PNPLA7: variants seen among roughly 807,000 people sequenced by gnomAD.
PNPLA7 encodes the protein patatin like domain 7, lysophospholipase, also known as patatin-like phospholipase domain-containing protein 7.
A neutral mutation model predicts 161.7 loss-of-function variants in PNPLA7; 153 were observed. That is an observed-to-expected ratio of 0.95 (90% CI 0.83 to 1.08). The LOEUF (loss-of-function observed/expected upper bound fraction) is 1.08, where lower values mean the gene tolerates loss of function less well. Ranked by LOEUF, PNPLA7 falls within the 50% of genes least tolerant of loss-of-function variation. The pLI is 0.00. For synonymous variants in PNPLA7, 809 were observed against 782.1 expected (o/e 1.03, Z -0.57); for missense variants, 1,739 against 1,856.6 (o/e 0.94, Z 1.16).
chr9:137,517,880 A>C lies in PNPLA7; in HGVS notation c.1084+2037T>G, dbSNP rs371642077. On this transcript the variant is annotated intron_variant, in intron 11 of 34. Transcript: ENST00000406427. ...CACTCCACTCTATCCACTCCATCCC[A>C]CACTCACTCACTCCACTCTGTCCAC... 2.5e-3 allele frequency among the ~76,000 whole-genome samples: 42 copies of C among 16,818 alleles called. 2 individuals carry two copies. The highest frequency in any genetic ancestry group is 0.011 in the African/African-American group (21 of 1,924). 11.0% of individuals were successfully genotyped at this position (16,818 alleles called of 152,430 possible).
rs958806348 is a variant in PNPLA7 at position 137,500,905 on chromosome 9, C to T, written c.1552-9G>A. On this transcript the variant is annotated splice_polypyrimidine_tract_variant and intron_variant, in intron 15 of 34. Transcript: ENST00000406427. This position sits in a 1 kb window ranked among gnomAD's most constrained non-coding sequence, Gnocchi z 5.5. ...AACAGGATGCTGGCGTCCTGACACA[C>T]GAGAGGGCTCAGGAGGCGCCGCGAG... 4.9e-5 allele frequency: 76 copies of T among 1,558,010 alleles called. No individual in the cohort carries two copies. Among genetic ancestry groups the T allele is most frequent in the Non-Finnish European group, 5.8e-5 (67 of 1,155,954 alleles).
intron 1 of PNPLA7, among the ~76,000 whole-genome samples, chr9:137,549,543 T>C (rs971200317): frequency 6.9e-5 from 10 of 145,848 alleles, no homozygotes; most frequent in South Asian, 2.2e-4. Context: ...GCAATCCAGC[T>C]TGGGCGACAG....
chr9:137,500,867 C>A lies in PNPLA7; in HGVS notation c.1581G>T (p.Gly527=), dbSNP rs781222061. 1 of 1,586,130 alleles carries A rather than the reference C, an allele frequency of 6.3e-7. No homozygotes were observed. The highest frequency in any genetic ancestry group is 8.6e-7 in the Non-Finnish European group (1 of 1,169,142). Residue 527 remains glycine, a synonymous_variant, in exon 16 of 35, where the codon GGG becomes GGT. Coordinates refer to ENST00000406427, the MANE Select transcript of PNPLA7 (RefSeq NM_001098537.3). The surrounding 1 kb of genome is among the most constrained non-coding windows in gnomAD (Gnocchi z 5.5). ...TCTTCCGCTGGTACACGTGCAGCAG[C>A]CCCGAGACCACGAACAGGATGCTGG... is the stretch of plus-strand genomic sequence containing the variant. The part of the protein sequence containing the change: ...QDASILFVVS[G]LLHVYQRKIG...
intron 9 of PNPLA7, 22 bp from the exon 10 acceptor site, chr9:137,521,738 G>A (rs377174253): frequency 4.7e-5 from 76 of 1,603,106 alleles, no homozygotes; most frequent in Middle Eastern, 1.7e-4. Flanking sequence ...CGCCAGCTGC[G>A]CGGTGACCAC....
rs1265397321 is a variant in PNPLA7 at position 137,462,019 on chromosome 9, C to T, written c.3668G>A (p.Arg1223His). 1.9e-6 allele frequency: 3 copies of T among 1,600,532 alleles called. No individual in the cohort carries two copies. The highest frequency in any genetic ancestry group is 8.5e-7 in the Non-Finnish European group (1 of 1,175,028). The change falls in exon 32 of 35, where the codon CGC (arginine) becomes CAC (histidine). Residue 1223 changes from arginine to histidine, a missense_variant. Coordinates refer to ENST00000406427, the MANE Select transcript of PNPLA7 (RefSeq NM_001098537.3). ...EICEVGYQHGRTVFDIWGRSG... is the reference protein window; with the variant it reads ...EICEVGYQHGHTVFDIWGRSG... ...GCGGCCCCAGATGTCAAACACCGTG[C>T]GCCCGTGCTGGTAGCCCACTTCCTG...
rs910007859 is a variant in PNPLA7 at position 137,537,786 on chromosome 9, A to G, written c.747+2856T>C. On this transcript the variant is annotated intron_variant, in intron 8 of 34. Coordinates refer to ENST00000406427, the MANE Select transcript of PNPLA7 (RefSeq NM_001098537.3). This position sits in a 1 kb window ranked among gnomAD's most constrained non-coding sequence, Gnocchi z 4.5. ...CTGGAACAGGCATGGCTGCACTGTG[A>G]TAAGTGAGGCCCAACCTGAATATCA... Among the ~76,000 whole-genome samples, 6 of 152,192 alleles carry G rather than the reference A, an allele frequency of 3.9e-5. No homozygotes were observed. Among genetic ancestry groups the G allele is most frequent in the African/African-American group, 1.2e-4 (5 of 41,422 alleles).
intron 17 of PNPLA7, 62 bp from the exon 18 acceptor site, chr9:137,497,372 TC>T: frequency 7.2e-7 from 1 of 1,397,190 alleles, no homozygotes; most frequent in South Asian, 1.6e-5. Flanking sequence ...ACACCCAGCT[TC>T]CCAATGCCAG....
At chr9:137,488,258 C>T (rs533365801) in intron 20 of PNPLA7, among the ~76,000 whole-genome samples, 40 of 152,354 alleles carry the variant, frequency 2.6e-4, no homozygotes, top group Admixed American at 1.2e-3. Flanking sequence ...GAACGTGGCT[C>T]TCTGATGTGG....
At chr9:137,491,278 A>C (rs938753554) in intron 20 of PNPLA7, among the ~76,000 whole-genome samples, 3 of 152,226 alleles carry the variant, frequency 2.0e-5, no homozygotes, top group Admixed American at 6.5e-5. Flanking sequence ...CTCTAAATAA[A>C]AAGAGAAAAT....
chr9:137,510,641 A>G (rs1392521224), intron 12 of PNPLA7, among the ~76,000 whole-genome samples: 2 of 152,164 alleles, frequency 1.3e-5, no homozygotes, highest in African/African-American at 2.4e-5. Context: ...GTCTCTGCAC[A>G]TTGGTGGTAG....
Position 137,461,590 on chromosome 9 carries a change from C to T in PNPLA7, c.3787G>A (p.Asp1263Asn), listed in dbSNP as rs375525790. 2 of 1,612,720 alleles carry T rather than the reference C, an allele frequency of 1.2e-6. No individual in the cohort carries two copies. The highest frequency in any genetic ancestry group is 2.7e-5 in the African/African-American group (2 of 74,908). ...ATGCGAGACACAATTTCGGCAAGGT[C>T]CGTGAAGGAGGCGTTGGGACAGGTG... ...VLTCPNASFT[D>N]LAEIVSRIEP... Residue 1263 changes from aspartate to asparagine, a missense_variant, in exon 33 of 35, where the codon GAC becomes AAC. Physicochemically the swap from Asp to Asn is conservative, Grantham distance 23 (BLOSUM62 1). Transcript: ENST00000406427.
Position 137,497,328 on chromosome 9 carries a change from G to A in PNPLA7, c.1890-18C>T. On this transcript the variant is annotated intron_variant, in intron 17 of 34. Transcript: ENST00000406427. ...CCCCCTGCCTGCGGAAGACACAGAG[G>A]CCCTGCAGCCCTGGGCCCCCAGCCT... The A allele has an allele frequency of 6.6e-7, 1 of 1,524,082 alleles. No individual in the cohort carries two copies. The highest frequency in any genetic ancestry group is 8.8e-7 in the Non-Finnish European group (1 of 1,131,616). 94.4% of individuals were successfully genotyped at this position (1,524,082 alleles called of 1,614,324 possible). A position where few individuals can be genotyped will look rare whatever the true frequency, so the allele number is the denominator to read the frequency against.
chr9:137,485,622 T>C (rs1832441247), intron 20 of PNPLA7, among the ~76,000 whole-genome samples: 1 of 152,256 alleles, frequency 6.6e-6, no homozygotes, highest in African/African-American at 2.4e-5. Flanking sequence ...GGCCCGTTTC[T>C]CTTGTCTGTC....
chr9:137,506,609 C>T (rs1833936775), intron 12 of PNPLA7, among the ~76,000 whole-genome samples: 1 of 152,178 alleles, frequency 6.6e-6, no homozygotes, highest in Non-Finnish European at 1.5e-5. Context: ...GCAGTCCAGC[C>T]CCATCTTGGA....
Position 137,537,452 on chromosome 9 carries a change from G to A in PNPLA7, c.747+3190C>T, listed in dbSNP as rs1835952064. Among the ~76,000 whole-genome samples the A allele has an allele frequency of 6.6e-6, 1 of 152,046 alleles. No individual in the cohort carries two copies. Among genetic ancestry groups the A allele is most frequent in the Non-Finnish European group, 1.5e-5 (1 of 68,012 alleles). Reference sequence around the variant, plus strand: ...CCTGCCTCAGCCTCCCGAGTAGCTGGGATAACAGGCACCCGCCACCACACC... The same window carrying A: ...CCTGCCTCAGCCTCCCGAGTAGCTGAGATAACAGGCACCCGCCACCACACC... On this transcript the variant is annotated intron_variant, in intron 8 of 34. Coordinates refer to ENST00000406427, the MANE Select transcript of PNPLA7 (RefSeq NM_001098537.3). This position sits in a 1 kb window ranked among gnomAD's most constrained non-coding sequence, Gnocchi z 4.5.
rs1370616490 is a variant in PNPLA7, at chr9:137,504,063, AAAGAAGAAGG to A, written c.1473+1541_1473+1550del. ...AGAAGAAAGAAGAAGGAAGAAGAAG[AAAGAAGAAGG>A]AAGAAGAAGAAGGAAGAAGAAGGAA... On this transcript the variant is annotated intron_variant, in intron 14 of 34. Coordinates refer to ENST00000406427, the MANE Select transcript of PNPLA7 (RefSeq NM_001098537.3). Among the ~76,000 whole-genome samples the A allele has an allele frequency of 5.5e-3, 722 of 131,804 alleles. 4 individuals carry two copies. The highest frequency in any genetic ancestry group is 0.01 in the South Asian group (41 of 3,974). 86.5% of individuals were successfully genotyped at this position (131,804 alleles called of 152,430 possible). A position where few individuals can be genotyped will look rare whatever the true frequency, so the allele number is the denominator to read the frequency against.
rs779356200 is a variant in PNPLA7, at chr9:137,480,473, C to T, written c.2419G>A (p.Glu807Lys). 32 of 1,610,616 alleles carry T rather than the reference C, an allele frequency of 2.0e-5. No individual in the cohort carries two copies. Among genetic ancestry groups the T allele is most frequent in the Non-Finnish European group, 2.2e-5 (26 of 1,178,032 alleles). ...CCCAGCCAGCTGGACAGCCGGTACT[C>T]GTGAACACTGCAGCACGCAGAGGGA... ...LGSAALDSVH[E>K]YRLSSWLGQQ... Residue 807 changes from glutamate to lysine, a missense_variant, in exon 23 of 35, where the codon GAG (glutamate) becomes AAG (lysine). Glu to Lys is a moderately conservative substitution (Grantham distance 56). Coordinates refer to ENST00000406427, the MANE Select transcript of PNPLA7 (RefSeq NM_001098537.3).
chr9:137,521,773 C>T (rs1835005707), intron 9 of PNPLA7, 57 bp from the exon 10 acceptor site: 1 of 1,481,892 alleles, frequency 6.7e-7, no homozygotes, highest in Admixed American at 1.8e-5. Context: ...GGGCGGGCCC[C>T]CGGCAGCACC....
chr9:137,532,636 G>C (rs748705080), intron 8 of PNPLA7, among the ~76,000 whole-genome samples: 8 of 152,166 alleles, frequency 5.3e-5, no homozygotes, highest in Non-Finnish European at 1.2e-4. Flanking sequence ...TCTAAGGAAA[G>C]CTGACACTTG....
Sources: allele counts gnomAD v4.1 joint callset (sites outside exome capture counted in the v4.1 genomes callset), GRCh38; gene constraint gnomAD v4.1.1; non-coding constraint Gnocchi (gnomAD v3.1); transcripts MANE v1.5; gene names NCBI Gene and HGNC (gene_info 2026-07-23, HGNC 2026-07-21).